The following PROCR variants were observed in gnomAD, a reference collection of about 807,000 sequenced individuals.
The protein encoded by PROCR is protein C receptor.
A neutral mutation model predicts 24.2 loss-of-function variants in PROCR; 22 were observed. The ratio of observed to expected loss-of-function variants is 0.91; its 90% CI spans 0.65 to 1.30. The LOEUF is 1.30. PROCR is among the 50% of genes most tolerant of loss of function. The pLI, the probability that PROCR is intolerant of heterozygous loss-of-function variation, is 0.00. For missense variants in PROCR, 288 were observed against 307.7 expected (o/e 0.94, Z 0.48); for synonymous variants, 137 against 139.2 (o/e 0.98, Z 0.11).
At chr20:35,183,280 G>A (rs539193809) in intron 1 of PROCR, among the ~76,000 whole-genome samples, 1 of 152,256 alleles carries the variant, frequency 6.6e-6, no homozygotes, top group East Asian at 1.9e-4. Context: ...TGGGTCATGG[G>A]GGCAGATCCC....
intron 3 of PROCR, 91 bp downstream of exon 3, chr20:35,176,537 C>A: frequency 2.5e-6 from 4 of 1,599,832 alleles, no homozygotes; most frequent in Non-Finnish European, 3.4e-6. Context: ...CCTAGAGCAA[C>A]AAGAGGCCCA....
rs766042796 is a variant in PROCR, at chr20:35,172,214, C to T, written c.60C>T (p.Asp20=). The T allele has an allele frequency of 6.8e-6, 11 of 1,614,176 alleles. No individual in the cohort carries two copies. The highest frequency in any genetic ancestry group is 3.3e-5 in the Admixed American group (2 of 60,028). ...LLSGWAFCSQ[D]ASDGLQRLHM... Reference sequence around the variant, plus strand: ...CTGGCTGGGCCTTTTGTAGCCAAGACGCCTCAGATGGTGAGTCGGGGGCAC... The same window carrying T: ...CTGGCTGGGCCTTTTGTAGCCAAGATGCCTCAGATGGTGAGTCGGGGGCAC... The change falls in exon 1 of 4, where the codon GAC becomes GAT. Residue 20 remains aspartate (D), a synonymous_variant. Coordinates refer to ENST00000216968, the MANE Select transcript of PROCR (RefSeq NM_006404.5).
Position 35,174,763 on chromosome 20 carries a change from C to T in PROCR, c.132C>T (p.Tyr44=). ...SYFRDPYHVW[Y]QGNASLGGHL... The stretch of plus-strand genomic sequence containing the variant: ...TCCGCGACCCCTATCACGTGTGGTA[C>T]CAGGGCAACGCGTCGCTGGGGGGAC... Residue 44 remains tyrosine, a synonymous_variant, in exon 2 of 4, where the codon TAC becomes TAT. Transcript: ENST00000216968. 2 of 1,614,062 alleles carry T rather than the reference C, an allele frequency of 1.2e-6. No homozygotes were observed. The highest frequency in any genetic ancestry group is 1.7e-6 in the Non-Finnish European group (2 of 1,179,992).
rs370304344 is a variant in PROCR at position 35,176,664 on chromosome 20, T to C, written c.602-34T>C. The C allele has an allele frequency of 1.5e-4, 233 of 1,583,928 alleles. 1 individual carries two copies. Among genetic ancestry groups the C allele is most frequent in the Middle Eastern group, 1.7e-4 (1 of 6,048 alleles). ...TCAAATCATGGACTCCTTGGGGGCC[T>C]ATTCTTCGGGCTAACTCTTTGCATG... On this transcript the variant is annotated intron_variant, in intron 3 of 3. Transcript: ENST00000216968.
chr20:35,202,241 TAATAGAAAACTCCCCC>T (rs2060321269), intron 1 of PROCR: 1 of 151,900 alleles, frequency 6.6e-6, no homozygotes, highest in Admixed American at 6.6e-5. Flanking sequence ...AAGAAATAAA[TAATAGAAAACTCCCCC>T]AGCCTAACCA....
chr20:35,206,249 C>A (rs1168991878), intron 1 of PROCR, among the ~76,000 whole-genome samples: 1 of 151,358 alleles, frequency 6.6e-6, no homozygotes. Flanking sequence ...CTGAGGCAGG[C>A]GGATCACGAG....
intron 1 of PROCR, among the ~76,000 whole-genome samples, chr20:35,173,423 C>CTTTTTTTT (rs58785250): frequency 4.0e-3 from 354 of 88,114 alleles, no homozygotes; most frequent in Non-Finnish European, 5.9e-3. Context: ...TTTCTTTTTT[C>CTTTTTTTT]TTTTTTTTTT....
intron 1 of PROCR, among the ~76,000 whole-genome samples, chr20:35,188,125 G>A (rs1398245280): frequency 3.9e-5 from 6 of 152,268 alleles, no homozygotes; most frequent in African/African-American, 1.4e-4. Context: ...TTATATCTCT[G>A]CCAGGTGGCC....
At chr20:35,173,552 C>T (rs1342602304) in intron 1 of PROCR, among the ~76,000 whole-genome samples, 2 of 150,984 alleles carry the variant, frequency 1.3e-5, no homozygotes, top group African/African-American at 4.9e-5. Context: ...GCCTCAGCCT[C>T]CTGAGTAGCT....
intron 1 of PROCR, among the ~76,000 whole-genome samples, chr20:35,191,410 C>T (rs2086172382): frequency 6.6e-6 from 1 of 152,010 alleles, no homozygotes; most frequent in Non-Finnish European, 1.5e-5. Context: ...AGAACAAAAA[C>T]AAAGTCTGTC....
At chr20:35,210,538 C>A (rs939943759) in intron 1 of PROCR, among the ~76,000 whole-genome samples, 4 of 152,070 alleles carry the variant, frequency 2.6e-5, no homozygotes, top group Non-Finnish European at 4.4e-5. Context: ...CAGAGCGAGA[C>A]CCTGTCTCAA....
At chr20:35,178,507 G>GTTTTGTTTTTTTTTTTTTTTTTTTTTTT (rs1272557859), downstream of PROCR, among the ~76,000 whole-genome samples, 2 of 34,372 alleles carry the variant, frequency 5.8e-5, 1 homozygote, top group Non-Finnish European at 8.9e-5. Flanking sequence ...TCAAGTCTCA[G>GTTTTGTTTTTTTTTTTTTTTTTTTTTTT]TTTTTTTTTT....
At chr20:35,186,854 A>G (rs780641580) in intron 1 of PROCR, among the ~76,000 whole-genome samples, 12 of 150,896 alleles carry the variant, frequency 8.0e-5, no homozygotes, top group Non-Finnish European at 1.5e-4. Context: ...TCGAGAGGCT[A>G]AGGCAGGAGA....
At chr20:35,196,432 C>T (rs2086217472) in intron 1 of PROCR, among the ~76,000 whole-genome samples, 1 of 151,988 alleles carries the variant, frequency 6.6e-6, no homozygotes, top group Non-Finnish European at 1.5e-5. Flanking sequence ...CCTAATCAAA[C>T]TTCTGAAAAC....
intron 1 of PROCR, among the ~76,000 whole-genome samples, chr20:35,185,191 C>A (rs1333932393): frequency 6.6e-6 from 1 of 152,112 alleles, no homozygotes; most frequent in African/African-American, 2.4e-5. Context: ...AGCGATACCA[C>A]CGTACTCCCA....
intron 1 of PROCR, among the ~76,000 whole-genome samples, chr20:35,205,786 T>TATATA (rs1568600706): frequency 7.4e-6 from 1 of 134,764 alleles, no homozygotes; most frequent in Admixed American, 7.5e-5. Flanking sequence ...TATATATATA[T>TATATA]ATGTATATAT....
Position 35,176,518 on chromosome 20 carries a change from G to A in PROCR, c.601+72G>A, listed in dbSNP as rs546664308. The A allele has an allele frequency of 7.5e-6, 12 of 1,603,220 alleles. No homozygotes were observed. The African/African-American group carries it at 1.5e-4, about 20-fold the overall frequency. On this transcript the variant is annotated intron_variant, in intron 3 of 3. Coordinates refer to ENST00000216968, the MANE Select transcript of PROCR (RefSeq NM_006404.5). ...TTCCAGACAAATGGATGGACCTGAA[G>A]GATGGATGCCTAGAGCAACAAGAGG...
Position 35,176,084 on chromosome 20 carries a change from C to T in PROCR, c.323-84C>T, listed in dbSNP as rs535074704. 1.0e-5 allele frequency: 15 copies of T among 1,464,430 alleles called. No homozygotes were observed. In the South Asian group the frequency reaches 1.6e-4, roughly 16 times the overall value. The allele number at this position is 1,464,430 out of a possible 1,614,324, so 90.7% of individuals were successfully genotyped here. A position where few individuals can be genotyped will look rare whatever the true frequency, so the allele number is the denominator to read the frequency against. On this transcript the variant is annotated intron_variant, in intron 2 of 3. Transcript: ENST00000216968. ...CTCACAGCACTGACTCTTGCCTTCTCATGTTCTTTTCCCCTTGGTGGGCCT... is the reference window on the plus strand; with the variant it reads ...CTCACAGCACTGACTCTTGCCTTCTTATGTTCTTTTCCCCTTGGTGGGCCT...
At chr20:35,201,000 T>C (rs2060316191) in intron 1 of PROCR, among the ~76,000 whole-genome samples, 1 of 152,220 alleles carries the variant, frequency 6.6e-6, no homozygotes, top group Non-Finnish European at 1.5e-5. Context: ...TGTGATTCAC[T>C]TTGTTGCAAT....
Sources: allele counts gnomAD v4.1 joint callset (sites outside exome capture counted in the v4.1 genomes callset), GRCh38; gene constraint gnomAD v4.1.1; transcripts MANE v1.5; gene names NCBI Gene and HGNC (gene_info 2026-07-23, HGNC 2026-07-21).